BMP4: variants seen among roughly 807,000 people sequenced by gnomAD.
BMP4 encodes the protein bone morphogenetic protein 4.
A neutral mutation model predicts 29.6 loss-of-function variants in BMP4; 3 were observed. The ratio of observed to expected loss-of-function variants is 0.10; its 90% CI spans 0.05 to 0.26. The LOEUF (loss-of-function observed/expected upper bound fraction) is 0.26, where lower values mean the gene tolerates loss of function less well. Among genes scored for constraint, BMP4 ranks in the 10% least tolerant of loss-of-function variants. The pLI, the probability that BMP4 is intolerant of heterozygous loss-of-function variation, is 1.00. For synonymous variants in BMP4, 197 were observed against 213.2 expected, an observed-to-expected ratio of 0.92 and a Z score of 0.66; for missense variants, 455 against 550.2, an observed-to-expected ratio of 0.83 and a Z score of 1.73.
chr14:53,952,031 C>A lies in BMP4; in HGVS notation c.192G>T (p.Met64Ile). ...LRDFEATLLQ[M>I]FGLRRRPQPS... Reference sequence around the variant, plus strand: ...GCTGCGGGCGGCGGCGCAGCCCAAACATCTGCAGAAGTGTCGCCTCGAAGT... The same window carrying A: ...GCTGCGGGCGGCGGCGCAGCCCAAAAATCTGCAGAAGTGTCGCCTCGAAGT... The change falls in exon 3 of 4, where the codon ATG (methionine) becomes ATT (isoleucine). Residue 64 changes from methionine (M) to isoleucine (I), a missense_variant. By Grantham distance (10) the Met-to-Ile change is conservative. Coordinates refer to ENST00000245451, the MANE Select transcript of BMP4 (RefSeq NM_001202.6). 1 of 1,614,200 alleles carries A rather than the reference C, an allele frequency of 6.2e-7. No homozygotes were observed. The highest frequency in any genetic ancestry group is 8.5e-7 in the Non-Finnish European group (1 of 1,180,044).
intron 1 of BMP4, 74 bp downstream of exon 1, chr14:53,956,476 G>T: frequency 2.5e-6 from 1 of 399,188 alleles, no homozygotes; most frequent in South Asian, 1.3e-4. Flanking sequence ...CACAGCCTGT[G>T]ACCAGCTTCT....
chr14:53,954,888 G>A lies in BMP4; in HGVS notation c.-132-1488C>T, dbSNP rs537287573. Among the ~76,000 whole-genome samples the A allele has an allele frequency of 2.0e-5, 3 of 152,292 alleles. No homozygotes were observed. The highest frequency in any genetic ancestry group is 7.2e-5 in the African/African-American group (3 of 41,578). Reference sequence around the variant, plus strand: ...AGCTCAAGAACTCGGGTTGCCTGCCGCCCCACTCTCCACGCACATACTTGG... The same window carrying A: ...AGCTCAAGAACTCGGGTTGCCTGCCACCCCACTCTCCACGCACATACTTGG... On this transcript the variant is annotated intron_variant, in intron 1 of 3. Coordinates refer to ENST00000245451, the MANE Select transcript of BMP4 (RefSeq NM_001202.6). This position sits in a 1 kb window ranked among gnomAD's most constrained non-coding sequence, Gnocchi z 4.8.
rs764079211 is a variant in BMP4 at position 53,953,378 on chromosome 14, G to C, written c.-110C>G. 2.8e-5 allele frequency: 11 copies of C among 399,100 alleles called. No homozygotes were observed. The highest frequency in any genetic ancestry group is 4.4e-5 in the Non-Finnish European group (10 of 226,150). The allele number at this position is 399,100 out of a possible 1,614,324, so 24.7% of individuals were successfully genotyped here. On this transcript the variant is annotated 5_prime_UTR_variant, in exon 2 of 4. Coordinates refer to ENST00000245451, the MANE Select transcript of BMP4 (RefSeq NM_001202.6). The stretch of plus-strand genomic sequence containing the variant: ...GGGAAGCTGCAGCAGTGCGTTGCTC[G>C]GGATGGCACTACGGAATGGCTCCTA...
Position 53,954,703 on chromosome 14 carries a change from C to T in BMP4, c.-132-1303G>A, listed in dbSNP as rs1206114171. On this transcript the variant is annotated intron_variant, in intron 1 of 3. Transcript: ENST00000245451. The surrounding 1 kb of genome is among the most constrained non-coding windows in gnomAD (Gnocchi z 4.8). Reference sequence around the variant, plus strand: ...GCGCGTGGGTCGCTCTGCGCAAGGGCCTCTTCGAAAACCCGACTAGGCGCA... The same window carrying T: ...GCGCGTGGGTCGCTCTGCGCAAGGGTCTCTTCGAAAACCCGACTAGGCGCA... Among the ~76,000 whole-genome samples the T allele has an allele frequency of 6.6e-6, 1 of 152,148 alleles. No individual in the cohort carries two copies. The highest frequency in any genetic ancestry group is 1.5e-5 in the Non-Finnish European group (1 of 68,040).
intron 1 of BMP4, among the ~76,000 whole-genome samples, chr14:53,953,785 G>A (rs531112507): frequency 5.5e-4 from 84 of 152,086 alleles, no homozygotes; most frequent in African/African-American, 1.9e-3. Context: ...GCGCACTGAA[G>A]GGACTGCGTC....
chr14:53,956,145 C>G (rs1006983061), intron 1 of BMP4, among the ~76,000 whole-genome samples: 1 of 152,134 alleles, frequency 6.6e-6, no homozygotes, highest in Non-Finnish European at 1.5e-5. Context: ...CGTCGCTCTG[C>G]CCCCTCACTC....
In BMP4 at chr14:53,951,860, G is replaced by A. The variant is rs761051715; in HGVS notation, c.363C>T (p.His121=). 1.1e-5 allele frequency: 18 copies of A among 1,599,402 alleles called. No homozygotes were observed. The highest frequency in any genetic ancestry group is 1.7e-6 in the Non-Finnish European group (2 of 1,179,946). The part of the protein sequence containing the change: ...ASRANTVRSF[H]HEEHLENIPG... The stretch of plus-strand genomic sequence containing the variant: ...CTGGGGGAAGAGACTGACCTTCGTG[G>A]TGGAAGCTCCTCACGGTGTTGGCCC... Residue 121 remains histidine (H), a synonymous_variant, in exon 3 of 4, where the codon CAC becomes CAT. Transcript: ENST00000245451.
chr14:53,951,303 C>T (rs1027799023), intron 3 of BMP4: 6 of 256,486 alleles, frequency 2.3e-5, no homozygotes, highest in Admixed American at 5.1e-5. Flanking sequence ...CAGACAACCA[C>T]CCTCTCCCTC....
chr14:53,952,255 G>T (rs965240734), intron 2 of BMP4, 26 bp from the exon 3 acceptor site: 9 of 1,610,776 alleles, frequency 5.6e-6, no homozygotes, highest in East Asian at 4.5e-5. Flanking sequence ...GGAGTGGAAG[G>T]TTAAAGAATA....
At chr14:53,951,806 C>A in intron 3 of BMP4, 47 bp downstream of exon 3, 1 of 1,593,912 alleles carries the variant, frequency 6.3e-7, no homozygotes, top group Non-Finnish European at 8.5e-7. Context: ...GCCCCTCTAG[C>A]CAGTCCCACC....
intron 1 of BMP4, among the ~76,000 whole-genome samples, chr14:53,956,213 T>C (rs1029140841): frequency 1.3e-4 from 19 of 151,956 alleles, no homozygotes; most frequent in Admixed American, 5.2e-4. Context: ...CGTCCGGGGA[T>C]CGCAACCTCC....
Position 53,950,530 on chromosome 14 carries a change from C to G in BMP4, c.729G>C (p.Gln243His). The G allele has an allele frequency of 6.2e-7, 1 of 1,614,246 alleles. No homozygotes were observed. The highest frequency in any genetic ancestry group is 8.5e-7 in the Non-Finnish European group (1 of 1,180,050). ...CATGCTGGCCCTGGTGGGTCCGAGT[C>G]TGATGGAGGTGAGTCACCTCAATGG... ...GLAIEVTHLH[Q>H]TRTHQGQHVR... Residue 243 changes from glutamine (Q) to histidine (H), a missense_variant, in exon 4 of 4, where the codon CAG becomes CAC. By Grantham distance (24) the Gln-to-His change is conservative. This residue lies in a region of BMP4 where 154 missense variants were observed against 156.8 expected (regional missense o/e 0.98). Coordinates refer to ENST00000245451, the MANE Select transcript of BMP4 (RefSeq NM_001202.6). This position sits in a 1 kb window ranked among gnomAD's most constrained non-coding sequence, Gnocchi z 5.4.
At position 53,950,399 on chromosome 14, in the gene BMP4, C is replaced by A. The variant is rs121912768; in HGVS notation, c.860G>T (p.Arg287Leu). ...CTTAGGGCTACGCTTGGCCCTCCGG[C>A]GTCGGGTCAAGGCATGGCCCCGGCC... The part of the protein sequence containing the change: ...HDGRGHALTR[R>L]RRAKRSPKHH... Residue 287 changes from arginine to leucine, a missense_variant, in exon 4 of 4, where the codon CGC becomes CTC. By Grantham distance (102) the Arg-to-Leu change is moderately radical (BLOSUM62 -2). Coordinates refer to ENST00000245451, the MANE Select transcript of BMP4 (RefSeq NM_001202.6). This position sits in a 1 kb window ranked among gnomAD's most constrained non-coding sequence, Gnocchi z 5.4. 27 of 1,613,540 alleles carry A rather than the reference C, an allele frequency of 1.7e-5. No homozygotes were observed. Among genetic ancestry groups the A allele is most frequent in the Non-Finnish European group, 2.1e-5 (25 of 1,179,736 alleles).
Position 53,950,648 on chromosome 14 carries a change from A to C in BMP4, c.611T>G (p.Leu204Arg). ...HLITRLLDTR[L>R]VHHNVTRWET... is the part of the protein sequence containing the mutation. The stretch of plus-strand genomic sequence containing the variant: ...CCACCGTGTCACATTGTGGTGGACC[A>C]GTCTCGTGTCCAGTAGTCGTGTGAT... Residue 204 changes from leucine to arginine, a missense_variant, in exon 4 of 4, where the codon CTG (leucine) becomes CGG (arginine). Physicochemically the swap from Leu to Arg is moderately radical, Grantham distance 102. Around this residue, in one of 4 missense-constraint regions of BMP4, gnomAD observed 249 missense variants for 284.6 expected, o/e 0.87. Transcript: ENST00000245451. The surrounding 1 kb of genome is among the most constrained non-coding windows in gnomAD (Gnocchi z 5.4). The C allele has an allele frequency of 2.5e-6, 4 of 1,614,258 alleles. No individual in the cohort carries two copies. Among genetic ancestry groups the C allele is most frequent in the Middle Eastern group, 3.3e-4 (2 of 6,062 alleles).
At position 53,950,899 on chromosome 14, in the gene BMP4, T is replaced by A; in HGVS notation, c.371-11A>T. The A allele has an allele frequency of 6.2e-7, 1 of 1,600,478 alleles. No individual in the cohort carries two copies. Among genetic ancestry groups the A allele is most frequent in the Non-Finnish European group, 8.5e-7 (1 of 1,179,940 alleles). On this transcript the variant is annotated splice_polypyrimidine_tract_variant and intron_variant, in intron 3 of 3. Coordinates refer to ENST00000245451, the MANE Select transcript of BMP4 (RefSeq NM_001202.6). This position sits in a 1 kb window ranked among gnomAD's most constrained non-coding sequence, Gnocchi z 5.4. ...TGTTCTCCAGATGTTCTAGGCACAG[T>A]TAGGAAGGAAGGGGAAAAGAAAAAG...
In BMP4 at chr14:53,955,305, G is replaced by A. The variant is rs1363153418; in HGVS notation, c.-133+1245C>T. 1.3e-5 allele frequency among the ~76,000 whole-genome samples: 2 copies of A among 152,226 alleles called. No homozygotes were observed. Among genetic ancestry groups the A allele is most frequent in the Non-Finnish European group, 2.9e-5 (2 of 68,042 alleles). On this transcript the variant is annotated intron_variant, in intron 1 of 3. Transcript: ENST00000245451. The surrounding 1 kb of genome is among the most constrained non-coding windows in gnomAD (Gnocchi z 4.0). ...GCCCGGGTTCCCCGGAAAACCCTCG[G>A]CCCCAAGGAATCTCCTGGGGCGGGA...
rs1422308320 is a variant in BMP4, at chr14:53,954,326, G to A, written c.-132-926C>T. On this transcript the variant is annotated intron_variant, in intron 1 of 3. Transcript: ENST00000245451. This position sits in a 1 kb window ranked among gnomAD's most constrained non-coding sequence, Gnocchi z 4.8. ...TCGAAGCTCCGGGCAGATTCAGAAA[G>A]AGGCGTCGCTGCAGAAAGGACGCAT... 1.3e-5 allele frequency: 2 copies of A among 152,096 alleles called. No homozygotes were observed. Among genetic ancestry groups the A allele is most frequent in the Admixed American group, 1.3e-4 (2 of 15,270 alleles). The allele number at this position is 152,096 out of a possible 1,614,324, so 9.4% of individuals were successfully genotyped here.
intron 2 of BMP4, among the ~76,000 whole-genome samples, 158 bp from the exon 3 acceptor site, chr14:53,952,387 C>A (rs1331947392): frequency 6.8e-6 from 1 of 147,428 alleles, no homozygotes; most frequent in Non-Finnish European, 1.5e-5. Flanking sequence ...TCCCTCACAC[C>A]ACCCGCCCAC....
intron 3 of BMP4, 119 bp from the exon 4 acceptor site, chr14:53,951,007 G>A: frequency 7.2e-7 from 1 of 1,379,866 alleles, no homozygotes; most frequent in Non-Finnish European, 1.0e-6. Context: ...TTATGCAGGG[G>A]AAACCTACTG....
Sources: allele counts gnomAD v4.1 joint callset (sites outside exome capture counted in the v4.1 genomes callset), GRCh38; gene constraint gnomAD v4.1.1; regional missense constraint gnomAD v4.1.1; non-coding constraint Gnocchi (gnomAD v3.1); transcripts MANE v1.5; gene names NCBI Gene and HGNC (gene_info 2026-07-23, HGNC 2026-07-21).